ANKRD18A: variants seen among roughly 807,000 people sequenced by gnomAD.
ANKRD18A encodes the protein ankyrin repeat domain 18A, also known as ankyrin repeat domain-containing protein 18A.
In ANKRD18A, 72 loss-of-function variants were observed where a neutral mutation model predicts 110.6. The ratio of observed to expected loss-of-function variants is 0.65; its 90% CI spans 0.54 to 0.79. The LOEUF (loss-of-function observed/expected upper bound fraction) is 0.79. ANKRD18A is among the 30% of genes least tolerant of loss of function. The pLI, the probability that ANKRD18A is intolerant of heterozygous loss-of-function variation, is 0.00. For synonymous variants in ANKRD18A, 305 were observed against 410.3 expected (o/e 0.74, Z 3.10); for missense variants, 934 against 1,163.3 (o/e 0.80, Z 2.87).
intron 1 of ANKRD18A, among the ~76,000 whole-genome samples, chr9:38,619,220 A>G (rs894026466): frequency 2.0e-5 from 3 of 152,144 alleles, no homozygotes; most frequent in Non-Finnish European, 4.4e-5. Context: ...CTCATTTTGC[A>G]TGTGTAAAAA....
intron 4 of ANKRD18A, 110 bp downstream of exon 4, chr9:38,611,105 A>T: frequency 7.0e-7 from 1 of 1,433,228 alleles, no homozygotes; most frequent in South Asian, 1.6e-5. Context: ...ACTATATGCC[A>T]ATAATTATAA....
rs1267666893 is a variant in ANKRD18A, at chr9:38,577,119, T to C, written c.2675A>G (p.Glu892Gly). 5.2e-6 allele frequency: 8 copies of C among 1,549,324 alleles called. No individual in the cohort carries two copies. The highest frequency in any genetic ancestry group is 6.1e-6 in the Non-Finnish European group (7 of 1,146,372). ...TAYEEVTTELEEFKEAFAGAV... is the reference protein window; with the variant it reads ...TAYEEVTTELGEFKEAFAGAV... Reference sequence around the variant, plus strand: ...TCCTGCAAAGGCTTCCTTAAATTCTTCTAATTCAGTTGTAACCTCTTCATA... The same window carrying C: ...TCCTGCAAAGGCTTCCTTAAATTCTCCTAATTCAGTTGTAACCTCTTCATA... Residue 892 changes from glutamate (E) to glycine (G), a missense_variant, in exon 14 of 16, where the codon GAA becomes GGA. By Grantham distance (98) the Glu-to-Gly change is moderately conservative. This residue lies in a region of ANKRD18A where 223 missense variants were observed against 226.7 expected (regional missense o/e 0.98). Transcript: ENST00000399703.
At chr9:38,597,678 G>T (rs150143802) in intron 8 of ANKRD18A, among the ~76,000 whole-genome samples, 1 of 152,174 alleles carries the variant, frequency 6.6e-6, no homozygotes, top group Non-Finnish European at 1.5e-5. Context: ...TGTGACTTTG[G>T]CAAAACAATT....
chr9:38,609,174 G>T (rs1032265876), intron 5 of ANKRD18A, among the ~76,000 whole-genome samples: 4 of 152,200 alleles, frequency 2.6e-5, no homozygotes, highest in African/African-American at 9.6e-5. Context: ...CTATGTACAT[G>T]AACTAAAAAA....
chr9:38,596,111 T>C lies in ANKRD18A; in HGVS notation c.1229A>G (p.His410Arg). 6.4e-7 allele frequency: 1 copy of C among 1,551,238 alleles called. No individual in the cohort carries two copies. The highest frequency in any genetic ancestry group is 1.7e-4 in the Middle Eastern group (1 of 5,978). ...TTCAGCTTCTAGTCTTTCTTTGTTG[T>C]GTTTTTCCTTCTCCAATTCTGAATT... ...RLNSELEKEK[H>R]NKERLEAEVE... Residue 410 changes from histidine (H) to arginine (R), a missense_variant, in exon 9 of 16, where the codon CAC (histidine) becomes CGC (arginine). Physicochemically the swap from His to Arg is conservative, Grantham distance 29. Transcript: ENST00000399703.
intron 7 of ANKRD18A, among the ~76,000 whole-genome samples, chr9:38,602,416 C>T (rs994666318): frequency 6.6e-6 from 1 of 152,062 alleles, no homozygotes; most frequent in Non-Finnish European, 1.5e-5. Flanking sequence ...GGAGAGAAGC[C>T]TCCCAGAGCG....
In ANKRD18A at chr9:38,620,186, C is replaced by G. The variant is rs1470438249; in HGVS notation, c.100G>C (p.Glu34Gln). Reference protein sequence around the residue: ...AGPGYDIRDWELRKIHRAAIK... With the variant: ...AGPGYDIRDWQLRKIHRAAIK... ...GCAGCCCTGTGGATCTTCCGCAGTT[C>G]CCAGTCCCGAATGTCGTAACCCGGA... The change falls in exon 1 of 16, where the codon GAA (glutamate) becomes CAA (glutamine). Residue 34 changes from glutamate (E) to glutamine (Q), a missense_variant. Coordinates refer to ENST00000399703, the MANE Select transcript of ANKRD18A (RefSeq NM_147195.4). 6.4e-7 allele frequency: 1 copy of G among 1,558,986 alleles called. No individual in the cohort carries two copies. The highest frequency in any genetic ancestry group is 8.7e-7 in the Non-Finnish European group (1 of 1,151,202).
chr9:38,598,485 G>A (rs1824984855), intron 8 of ANKRD18A, among the ~76,000 whole-genome samples: 1 of 152,188 alleles, frequency 6.6e-6, no homozygotes, highest in Non-Finnish European at 1.5e-5. Flanking sequence ...GAACGGATCA[G>A]ATAACTTATA....
chr9:38,601,555 T>G (rs1421956325), intron 7 of ANKRD18A, among the ~76,000 whole-genome samples: 1 of 152,206 alleles, frequency 6.6e-6, no homozygotes, highest in Admixed American at 6.5e-5. Flanking sequence ...TAATAGTATC[T>G]TTTTAACAAC....
intron 10 of ANKRD18A, among the ~76,000 whole-genome samples, chr9:38,589,167 CCTGT>C (rs1353082598): frequency 3.3e-5 from 5 of 152,060 alleles, no homozygotes; most frequent in African/African-American, 7.2e-5. Flanking sequence ...TCGGTTTTTC[CCTGT>C]CTATTAACCA....
chr9:38,570,583 C>A (rs1283783054), downstream of ANKRD18A, among the ~76,000 whole-genome samples: 2 of 152,260 alleles, frequency 1.3e-5, no homozygotes, highest in Non-Finnish European at 2.9e-5. Flanking sequence ...CAGGTCCCTG[C>A]TGATCAGGTC....
chr9:38,598,413 A>T (rs1824981663), intron 8 of ANKRD18A, among the ~76,000 whole-genome samples: 1 of 152,154 alleles, frequency 6.6e-6, no homozygotes, highest in African/African-American at 2.4e-5. Context: ...TTGACACATA[A>T]TTACACATTT....
chr9:38,570,347 A>G (rs367773163), downstream of ANKRD18A, among the ~76,000 whole-genome samples: 56 of 152,210 alleles, frequency 3.7e-4, no homozygotes, highest in African/African-American at 1.2e-3. Flanking sequence ...GCCCCCTCTG[A>G]CCAGGCTCTC....
chr9:38,569,256 A>G (rs1252312083), downstream of ANKRD18A: 3 of 968,148 alleles, frequency 3.1e-6, no homozygotes, highest in African/African-American at 5.3e-5. Flanking sequence ...TGCTGCAAGG[A>G]TGAATGAGAT....
intron 14 of ANKRD18A, among the ~76,000 whole-genome samples, chr9:38,576,234 A>G (rs1294114160): frequency 2.0e-5 from 3 of 152,226 alleles, no homozygotes; most frequent in African/African-American, 4.8e-5. Context: ...TCACCCTTGT[A>G]CATTTCACCC....
At chr9:38,613,800 C>T (rs950086467) in intron 3 of ANKRD18A, among the ~76,000 whole-genome samples, 42 of 152,074 alleles carry the variant, frequency 2.8e-4, no homozygotes, top group Non-Finnish European at 4.4e-4. Context: ...GATTTGCTAC[C>T]GATCTAATTG....
chr9:38,567,451 G>C (rs13293184), downstream of ANKRD18A: 3 of 152,886 alleles, frequency 2.0e-5, no homozygotes, highest in South Asian at 2.1e-4. Context: ...TGCAAGAAAT[G>C]CTGCATCTGT....
chr9:38,577,287 A>T, intron 13 of ANKRD18A, 23 bp from the exon 14 acceptor site: 2 of 1,505,264 alleles, frequency 1.3e-6, no homozygotes, highest in East Asian at 2.5e-5. Flanking sequence ...AAAAGAATAC[A>T]CTTTTAAAAC....
chr9:38,596,459 T>C, intron 8 of ANKRD18A, 56 bp from the exon 9 acceptor site: 3 of 1,329,028 alleles, frequency 2.3e-6, no homozygotes, highest in South Asian at 3.9e-5. Context: ...TCTATGATGG[T>C]TATTTCTGAA....
Sources: gnomAD v4.1 joint callset for allele counts (sites outside exome capture counted in the v4.1 genomes callset) on GRCh38, gnomAD v4.1.1 for gene constraint, gnomAD v4.1.1 regional missense constraint, MANE v1.5 for transcripts, NCBI Gene and HGNC (gene_info 2026-07-23, HGNC 2026-07-21) for gene names.